Variants in PRRC2B observed in about 807,000 individuals in gnomAD.
PRRC2B encodes the protein protein PRRC2B.
A neutral mutation model predicts 242.3 loss-of-function variants in PRRC2B; 68 were observed. That is an observed-to-expected ratio of 0.28 (90% CI 0.23 to 0.34). The LOEUF (loss-of-function observed/expected upper bound fraction) is 0.34, where lower values mean the gene tolerates loss of function less well. PRRC2B is among the 10% of genes least tolerant of loss of function. The pLI, the probability that PRRC2B is intolerant of heterozygous loss-of-function variation, is 1.00. For synonymous variants in PRRC2B, 1,228 were observed against 1,173.6 expected (o/e 1.05, Z -0.95); for missense variants, 2,835 against 2,954.8 (o/e 0.96, Z 0.94).
intron 4 of PRRC2B, among the ~76,000 whole-genome samples, chr9:131,436,938 C>G (rs1300038053): frequency 2.0e-5 from 3 of 152,182 alleles, no homozygotes; most frequent in Non-Finnish European, 4.4e-5. Flanking sequence ...TAGAAAAAGA[C>G]CTCAGATACA....
At position 131,482,824 on chromosome 9, in the gene PRRC2B, G is replaced by A. The variant is rs1462343355; in HGVS notation, c.5290G>A (p.Val1764Ile). 2 of 1,609,172 alleles carry A rather than the reference G, an allele frequency of 1.2e-6. No individual in the cohort carries two copies. Among genetic ancestry groups the A allele is most frequent in the Non-Finnish European group, 1.7e-6 (2 of 1,177,740 alleles). The change falls in exon 22 of 32, where the codon GTC becomes ATC. Residue 1764 changes from valine to isoleucine, a missense_variant. Val to Ile is a conservative substitution (Grantham distance 29). Transcript: ENST00000683519. This position sits in a 1 kb window ranked among gnomAD's most constrained non-coding sequence, Gnocchi z 5.2. ...GGGGGCCGAGCGGCTGCAAGGGGCT[G>A]TCGTCCCGCCTGTTAACGGGGTGGA... ...SEGAERLQGA[V>I]VPPVNGVEIH...
intron 3 of PRRC2B, among the ~76,000 whole-genome samples, chr9:131,435,220 C>T (rs1277613731): frequency 6.6e-6 from 1 of 151,766 alleles, no homozygotes; most frequent in Non-Finnish European, 1.5e-5. Flanking sequence ...ATTGCTTGAA[C>T]CCGGGAGGCA....
In PRRC2B at chr9:131,474,403, C is replaced by T. The variant is rs927020560; in HGVS notation, c.2325-51C>T. 18 of 1,485,498 alleles carry T rather than the reference C, an allele frequency of 1.2e-5. No individual in the cohort carries two copies. The African/African-American group carries it at 2.1e-4, about 17-fold the overall frequency. 92.0% of individuals were successfully genotyped at this position (1,485,498 alleles called of 1,614,324 possible). A position where few individuals can be genotyped will look rare whatever the true frequency, so the allele number is the denominator to read the frequency against. Reference sequence around the variant, plus strand: ...CTAAGCTCTGTGTTCAGCATGGAAACCAGGAACCAGGCTCCAATCGCATTG... The same window carrying T: ...CTAAGCTCTGTGTTCAGCATGGAAATCAGGAACCAGGCTCCAATCGCATTG... On this transcript the variant is annotated intron_variant, in intron 15 of 31. Coordinates refer to ENST00000683519, the MANE Select transcript of PRRC2B (RefSeq NM_013318.4).
At chr9:131,388,629 C>T (rs1246167234) in intron 1 of PRRC2B, among the ~76,000 whole-genome samples, 2 of 149,732 alleles carry the variant, frequency 1.3e-5, no homozygotes, top group Non-Finnish European at 3.0e-5. Context: ...CTGCAACCTC[C>T]GCCTCCTGGG....
At chr9:131,471,871 T>C (rs1943556994) in intron 14 of PRRC2B, among the ~76,000 whole-genome samples, 1 of 152,226 alleles carries the variant, frequency 6.6e-6, no homozygotes, top group Non-Finnish European at 1.5e-5. Context: ...GCTAATTGTG[T>C]TGTGCAAATG....
chr9:131,444,461 C>T (rs753410002), intron 6 of PRRC2B, 133 bp downstream of exon 6: 125 of 920,644 alleles, frequency 1.4e-4, no homozygotes, highest in Non-Finnish European at 1.9e-4. Context: ...TTTGACTCGC[C>T]ACGTGATCTG....
In PRRC2B at chr9:131,494,841, T is replaced by C. The variant is rs1170284475; in HGVS notation, c.6555+355T>C. On this transcript the variant is annotated intron_variant, in intron 31 of 31. Coordinates refer to ENST00000683519, the MANE Select transcript of PRRC2B (RefSeq NM_013318.4). This position sits in a 1 kb window ranked among gnomAD's most constrained non-coding sequence, Gnocchi z 4.3. ...TTAGGAGCCGGGGTGCGCGCGCTGG[T>C]TCTAGTCAGTGGTGTGTCTCATCTT... Among the ~76,000 whole-genome samples the C allele has an allele frequency of 6.6e-6, 1 of 152,100 alleles. No homozygotes were observed. Among genetic ancestry groups the C allele is most frequent in the African/African-American group, 2.4e-5 (1 of 41,436 alleles).
intron 2 of PRRC2B, 79 bp from the exon 3 acceptor site, chr9:131,432,538 A>T: frequency 7.4e-7 from 1 of 1,357,852 alleles, no homozygotes; most frequent in Non-Finnish European, 1.0e-6. Flanking sequence ...AGAGATTGAA[A>T]GAACAGCTGA....
At position 131,464,758 on chromosome 9, in the gene PRRC2B, G is replaced by T. The variant is rs1273531530; in HGVS notation, c.1405-5G>T. On this transcript the variant is annotated splice_polypyrimidine_tract_variant and splice_region_variant and intron_variant, in intron 11 of 31. Transcript: ENST00000683519. ...CGCCTTATCTCAGAGACATTCTCTTGGCAGAAGTCATCAATGGGCAGCATG... is the reference window on the plus strand; with the variant it reads ...CGCCTTATCTCAGAGACATTCTCTTTGCAGAAGTCATCAATGGGCAGCATG... 2 of 1,577,988 alleles carry T rather than the reference G, an allele frequency of 1.3e-6. No homozygotes were observed. The highest frequency in any genetic ancestry group is 1.8e-5 in the Admixed American group (1 of 57,128).
At chr9:131,436,020 C>T (rs993303110) in intron 3 of PRRC2B, among the ~76,000 whole-genome samples, 160 of 152,306 alleles carry the variant, frequency 1.1e-3, no homozygotes, top group African/African-American at 3.7e-3. Flanking sequence ...CTTTTATAAA[C>T]TCAGAGAAGG....
At position 131,478,483 on chromosome 9, in the gene PRRC2B, T is replaced by C. The variant is rs376023456; in HGVS notation, c.4622T>C (p.Ile1541Thr). 13 of 1,613,288 alleles carry C rather than the reference T, an allele frequency of 8.1e-6. No individual in the cohort carries two copies. The highest frequency in any genetic ancestry group is 4.0e-5 in the African/African-American group (3 of 74,884). ...QFDLNYGSAIIENCGSSPGEE... is the reference protein window; with the variant it reads ...QFDLNYGSAITENCGSSPGEE... ...TGAAATCTTGGTTCAGGTGCCATCA[T>C]TGAAAATTGCGGGTCCAGCCCCGGG... The change falls in exon 18 of 32, where the codon ATT becomes ACT. Residue 1541 changes from isoleucine to threonine, a missense_variant. Around this residue, in one of 7 missense-constraint regions of PRRC2B, gnomAD observed 1,536 missense variants for 1,483.1 expected, o/e 1.04. Coordinates refer to ENST00000683519, the MANE Select transcript of PRRC2B (RefSeq NM_013318.4).
chr9:131,460,876 C>CT (rs1024287934), intron 11 of PRRC2B, among the ~76,000 whole-genome samples: 5 of 152,220 alleles, frequency 3.3e-5, no homozygotes, highest in African/African-American at 1.2e-4. Context: ...AAACCAGTGT[C>CT]TGAGACCCAG....
intron 1 of PRRC2B, among the ~76,000 whole-genome samples, chr9:131,403,342 T>C (rs974687890): frequency 6.6e-6 from 1 of 152,066 alleles, no homozygotes; most frequent in Non-Finnish European, 1.5e-5. Context: ...GTATACAGGT[T>C]ATTTTATTTA....
intron 1 of PRRC2B, among the ~76,000 whole-genome samples, chr9:131,420,439 C>CT (rs556100751): frequency 3.9e-4 from 43 of 111,074 alleles, no homozygotes; most frequent in Middle Eastern, 9.4e-3. Context: ...TTTCTTTTTT[C>CT]TTTTTCTTTT....
At chr9:131,403,893 A>G (rs925980715) in intron 1 of PRRC2B, among the ~76,000 whole-genome samples, 1 of 152,092 alleles carries the variant, frequency 6.6e-6, no homozygotes, top group Non-Finnish European at 1.5e-5. Flanking sequence ...GTATTTTTCC[A>G]TACGTATTTT....
chr9:131,437,950 A>G (rs1049271811), intron 4 of PRRC2B, among the ~76,000 whole-genome samples: 2 of 152,140 alleles, frequency 1.3e-5, no homozygotes, highest in Non-Finnish European at 2.9e-5. Flanking sequence ...CTGGGCATCT[A>G]TTTGAATGAA....
chr9:131,462,855 A>AAT (rs1554763507), intron 11 of PRRC2B, among the ~76,000 whole-genome samples: 1 of 151,396 alleles, frequency 6.6e-6, no homozygotes, highest in African/African-American at 2.4e-5. Flanking sequence ...AAAAAAAAAA[A>AAT]AGGTCTCAGT....
intron 18 of PRRC2B, among the ~76,000 whole-genome samples, 168 bp from the exon 19 acceptor site, chr9:131,479,084 T>C (rs1180143352): frequency 3.9e-5 from 6 of 152,066 alleles, no homozygotes; most frequent in Non-Finnish European, 7.4e-5. Context: ...TGGGGGGTGC[T>C]TTGCTTGGCA....
intron 1 of PRRC2B, among the ~76,000 whole-genome samples, chr9:131,408,811 C>T (rs1337580962): frequency 2.6e-5 from 4 of 151,750 alleles, no homozygotes; most frequent in Non-Finnish European, 4.4e-5. Flanking sequence ...CCTCCGCCTC[C>T]TGGGTTGAAG....
Sources: allele counts gnomAD v4.1 joint callset (sites outside exome capture counted in the v4.1 genomes callset), GRCh38; gene constraint gnomAD v4.1.1; regional missense constraint gnomAD v4.1.1; non-coding constraint Gnocchi (gnomAD v3.1); transcripts MANE v1.5; gene names NCBI Gene and HGNC (gene_info 2026-07-23, HGNC 2026-07-21).